Variants in NME7 observed in about 807,000 individuals in gnomAD.
The protein encoded by NME7 is nucleoside diphosphate kinase 7.
NME7 carries 41 observed loss-of-function variants against 49.1 expected under a neutral mutation model. That is an observed-to-expected ratio of 0.83 (90% CI 0.65 to 1.08). NME7 has a LOEUF of 1.08. NME7 is among the 50% of genes least tolerant of loss of function. NME7 has a pLI of 0.00. For missense variants in NME7, 423 were observed against 463.4 expected (o/e 0.91, Z 0.80); for synonymous variants, 139 against 150.6 (o/e 0.92, Z 0.56).
At chr1:169,217,466 A>T (rs1380878509) in intron 10 of NME7, among the ~76,000 whole-genome samples, 1 of 152,224 alleles carries the variant, frequency 6.6e-6, no homozygotes, top group Non-Finnish European at 1.5e-5. Flanking sequence ...GATATATTAA[A>T]TTAACTATAT....
At chr1:169,257,270 G>A (rs1178997142) in intron 7 of NME7, among the ~76,000 whole-genome samples, 1 of 134,782 alleles carries the variant, frequency 7.4e-6, no homozygotes, top group Admixed American at 7.2e-5. Flanking sequence ...CTCGTGGTGC[G>A]CCATTTTTTA....
At chr1:169,239,145 G>C (rs959583242) in intron 7 of NME7, among the ~76,000 whole-genome samples, 2 of 151,880 alleles carry the variant, frequency 1.3e-5, no homozygotes, top group African/African-American at 2.4e-5. Context: ...ATTTTAGGAA[G>C]GTCACTAATG....
intron 6 of NME7, among the ~76,000 whole-genome samples, chr1:169,288,847 C>A (rs950489400): frequency 6.6e-6 from 1 of 152,006 alleles, no homozygotes; most frequent in African/African-American, 2.4e-5. Context: ...CTTTATGGTA[C>A]AGATGAAAAT....
chr1:169,189,779 T>C (rs529874713), intron 10 of NME7, among the ~76,000 whole-genome samples: 1 of 152,298 alleles, frequency 6.6e-6, no homozygotes, highest in South Asian at 2.1e-4. Flanking sequence ...CTTCATGTAC[T>C]GTTTGTACAA....
At chr1:169,133,465 G>A (rs1245947289) in intron 11 of NME7, among the ~76,000 whole-genome samples, 1 of 152,178 alleles carries the variant, frequency 6.6e-6, no homozygotes, top group Non-Finnish European at 1.5e-5. Flanking sequence ...GGAGGCCATG[G>A]CCGTTTTGGT....
chr1:169,357,889 T>C (rs1055178113), intron 1 of NME7, among the ~76,000 whole-genome samples: 2 of 152,088 alleles, frequency 1.3e-5, no homozygotes, highest in Non-Finnish European at 2.9e-5. Context: ...TGAGTAGATA[T>C]TCAGGGATCT....
intron 10 of NME7, among the ~76,000 whole-genome samples, chr1:169,193,350 AAAACGCCT>A: frequency 6.6e-6 from 1 of 152,252 alleles, no homozygotes; most frequent in East Asian, 1.9e-4. Context: ...CGATATAAAT[AAAACGCCT>A]TAGTAATTAC....
rs753675437 is a variant in NME7 at position 169,310,089 on chromosome 1, A to C, written c.279-9T>G. The stretch of plus-strand genomic sequence containing the variant: ...TAATTAGGGCTAGCGTTCTATAAGG[A>C]AACAAAAAATAAGTTTGCAAATAAA... On this transcript the variant is annotated splice_polypyrimidine_tract_variant and intron_variant, in intron 3 of 11. Coordinates refer to ENST00000367811, the MANE Select transcript of NME7 (RefSeq NM_013330.5). 1.3e-6 allele frequency: 2 copies of C among 1,524,056 alleles called. No individual in the cohort carries two copies. The highest frequency in any genetic ancestry group is 2.3e-5 in the East Asian group (1 of 44,088). 94.4% of individuals were successfully genotyped at this position (1,524,056 alleles called of 1,614,324 possible). A position where few individuals can be genotyped will look rare whatever the true frequency, so the allele number is the denominator to read the frequency against.
At chr1:169,237,173 G>C (rs1400285582) in intron 8 of NME7, among the ~76,000 whole-genome samples, 2 of 152,010 alleles carry the variant, frequency 1.3e-5, no homozygotes, top group African/African-American at 4.8e-5. Flanking sequence ...ACAGTCTTGA[G>C]AGAAAGTCCA....
At chr1:169,243,642 C>T (rs926243019) in intron 7 of NME7, among the ~76,000 whole-genome samples, 9 of 152,246 alleles carry the variant, frequency 5.9e-5, no homozygotes, top group South Asian at 2.1e-4. Flanking sequence ...CCTCTTTCAC[C>T]ATGTAAAGGC....
At chr1:169,223,749 T>C (rs1019666562) in intron 10 of NME7, among the ~76,000 whole-genome samples, 10 of 152,092 alleles carry the variant, frequency 6.6e-5, no homozygotes, top group South Asian at 6.2e-4. Flanking sequence ...TTCTTTGCTA[T>C]GGAATATGTG....
At chr1:169,247,048 G>C in intron 7 of NME7, 1 of 456,204 alleles carries the variant, frequency 2.2e-6, no homozygotes, top group South Asian at 1.5e-5. Flanking sequence ...GAGTAGTCAG[G>C]GGTTCCTCCT....
intron 10 of NME7, among the ~76,000 whole-genome samples, chr1:169,179,723 G>A (rs374178026): frequency 1.7e-4 from 26 of 152,172 alleles, no homozygotes; most frequent in African/African-American, 5.3e-4. Flanking sequence ...TCAAATACCC[G>A]CATGTTCTCA....
At chr1:169,305,002 T>C (rs1651118136) in intron 4 of NME7, among the ~76,000 whole-genome samples, 1 of 152,082 alleles carries the variant, frequency 6.6e-6, no homozygotes, top group Admixed American at 6.6e-5. Flanking sequence ...AAAACTGAAC[T>C]ACAAGAAAGG....
At chr1:169,355,217 TA>T (rs1653400561) in intron 1 of NME7, among the ~76,000 whole-genome samples, 1 of 71,304 alleles carries the variant, frequency 1.4e-5, no homozygotes, top group African/African-American at 5.6e-5. Context: ...ATATATTATA[TA>T]TTATAGATAT....
At chr1:169,141,494 C>T (rs970739799) in intron 11 of NME7, among the ~76,000 whole-genome samples, 4 of 152,134 alleles carry the variant, frequency 2.6e-5, no homozygotes, top group Admixed American at 6.5e-5. Flanking sequence ...AGTATGTCCT[C>T]GTCATTCCCT....
chr1:169,219,509 G>A (rs1454875331), intron 10 of NME7, among the ~76,000 whole-genome samples: 2 of 152,138 alleles, frequency 1.3e-5, no homozygotes, highest in Non-Finnish European at 2.9e-5. Context: ...GATACCAGAG[G>A]ATGGCTGTAT....
chr1:169,181,364 TACACACACACAC>T (rs58453647), intron 10 of NME7, among the ~76,000 whole-genome samples: 27 of 91,464 alleles, frequency 3.0e-4, no homozygotes, highest in Admixed American at 8.0e-4. Context: ...CTCAAATTCC[TACACACACACAC>T]ACACACACAC....
intron 10 of NME7, among the ~76,000 whole-genome samples, chr1:169,193,894 A>G (rs1660301097): frequency 7.6e-6 from 1 of 131,380 alleles, no homozygotes; most frequent in African/African-American, 2.6e-5. Flanking sequence ...AAACAGTATC[A>G]CTTGTTAAAA....
Sources: allele counts gnomAD v4.1 joint callset (sites outside exome capture counted in the v4.1 genomes callset), GRCh38; gene constraint gnomAD v4.1.1; transcripts MANE v1.5; gene names NCBI Gene and HGNC (gene_info 2026-07-23, HGNC 2026-07-21).